The following VPS37B variants were observed in gnomAD, a reference collection of about 807,000 sequenced individuals.
VPS37B encodes the protein VPS37B subunit of ESCRT-I.
VPS37B carries 11 observed loss-of-function variants against 21.2 expected under a neutral mutation model. The observed-to-expected ratio is 0.52, with a 90% CI of 0.33 to 0.86. The LOEUF (loss-of-function observed/expected upper bound fraction) is 0.86. Among genes scored for constraint, VPS37B ranks in the 40% least tolerant of loss-of-function variants. The probability of loss-of-function intolerance (pLI) is 0.03; values close to 1 mark genes in which losing one functional copy is unlikely to be tolerated. For missense variants in VPS37B, 389 were observed against 374.8 expected (o/e 1.04, Z -0.31); for synonymous variants, 175 against 159.6 (o/e 1.10, Z -0.73).
At chr12:122,887,063 G>C (rs757443504) in intron 1 of VPS37B, 2 of 152,148 alleles carry the variant, frequency 1.3e-5, no homozygotes, top group Non-Finnish European at 2.9e-5. Context: ...GCCACTGGCA[G>C]ATAAACCACA....
Position 122,867,096 on chromosome 12 carries a change from G to C in VPS37B, c.*20C>G, listed in dbSNP as rs199569762. 5 of 1,505,202 alleles carry C rather than the reference G, an allele frequency of 3.3e-6. No homozygotes were observed. Among genetic ancestry groups the C allele is most frequent in the East Asian group, 2.3e-5 (1 of 43,486 alleles). 93.2% of individuals were successfully genotyped at this position (1,505,202 alleles called of 1,614,324 possible). A position where few individuals can be genotyped will look rare whatever the true frequency, so the allele number is the denominator to read the frequency against. On this transcript the variant is annotated 3_prime_UTR_variant, in exon 4 of 4. Coordinates refer to ENST00000267202, the MANE Select transcript of VPS37B (RefSeq NM_024667.3). This position sits in a 1 kb window ranked among gnomAD's most constrained non-coding sequence, Gnocchi z 5.5. Reference sequence around the variant, plus strand: ...ACACGCCAGGTGGAAGAAGTCTCCCGGGAAGGACCGCGCCGGCGCTCACTG... The same window carrying C: ...ACACGCCAGGTGGAAGAAGTCTCCCCGGAAGGACCGCGCCGGCGCTCACTG...
intron 1 of VPS37B, chr12:122,876,722 A>G (rs1369072642): frequency 6.6e-6 from 1 of 151,572 alleles, no homozygotes; most frequent in Non-Finnish European, 1.5e-5. Flanking sequence ...AGAAAGAGAA[A>G]AAAAAAAAAC....
chr12:122,883,034 A>T (rs991370753), intron 1 of VPS37B: 5 of 152,246 alleles, frequency 3.3e-5, no homozygotes, highest in African/African-American at 1.2e-4. Flanking sequence ...GAACATTATG[A>T]AACAGTCCTA....
chr12:122,886,080 G>T (rs917555715), intron 1 of VPS37B: 1 of 152,138 alleles, frequency 6.6e-6, no homozygotes, highest in Non-Finnish European at 1.5e-5. Flanking sequence ...TGAAACTAAG[G>T]TAGCTTTCCT....
In VPS37B at chr12:122,865,488, C is replaced by T. The variant is rs1158579300; in HGVS notation, c.*1628G>A. 2.0e-5 allele frequency: 3 copies of T among 152,284 alleles called. No individual in the cohort carries two copies. Among genetic ancestry groups the T allele is most frequent in the African/African-American group, 7.2e-5 (3 of 41,472 alleles). 9.4% of individuals were successfully genotyped at this position (152,284 alleles called of 1,614,324 possible). On this transcript the variant is annotated 3_prime_UTR_variant, in exon 4 of 4. Transcript: ENST00000267202. ...TGCGACCGTGGCAGGCTGTGGCATC[C>T]CCGACAGCGGCCGGTGGCGGAGGTA...
Position 122,867,846 on chromosome 12 carries a change from A to T in VPS37B, c.367-239T>A, listed in dbSNP as rs975260018. Among the ~76,000 whole-genome samples, 3 of 152,204 alleles carry T rather than the reference A, an allele frequency of 2.0e-5. No individual in the cohort carries two copies. The highest frequency in any genetic ancestry group is 6.5e-5 in the Admixed American group (1 of 15,292). Reference sequence around the variant, plus strand: ...CTGCGCACCCCACCACCAGCGTGACAGGCAGAGGAGCTGGCCTTTGGGTGA... The same window carrying T: ...CTGCGCACCCCACCACCAGCGTGACTGGCAGAGGAGCTGGCCTTTGGGTGA... On this transcript the variant is annotated intron_variant, in intron 3 of 3. Coordinates refer to ENST00000267202, the MANE Select transcript of VPS37B (RefSeq NM_024667.3). The surrounding 1 kb of genome is among the most constrained non-coding windows in gnomAD (Gnocchi z 5.5).
chr12:122,895,240 G>A (rs1479568449), intron 1 of VPS37B, among the ~76,000 whole-genome samples: 2 of 151,862 alleles, frequency 1.3e-5, no homozygotes, highest in African/African-American at 2.4e-5. Context: ...CCACCTCATA[G>A]ACTCAGCTAC....
chr12:122,877,701 C>T (rs957882806), intron 1 of VPS37B: 3 of 152,388 alleles, frequency 2.0e-5, no homozygotes. Flanking sequence ...AGCAACGGAA[C>T]CTTTTCTAAA....
intron 1 of VPS37B, chr12:122,871,627 C>T (rs946415662): frequency 2.0e-6 from 2 of 985,332 alleles, no homozygotes; most frequent in Non-Finnish European, 1.2e-6. Context: ...CTGAGCCTTC[C>T]AGCTCCTAGC....
chr12:122,880,428 T>C (rs1234771844), intron 1 of VPS37B: 4 of 152,144 alleles, frequency 2.6e-5, no homozygotes, highest in Non-Finnish European at 5.9e-5. Flanking sequence ...CAAGCTGGCT[T>C]TGTGCGACGC....
chr12:122,867,197 G>C lies in VPS37B; in HGVS notation c.777C>G (p.Phe259Leu), dbSNP rs374081924. The C allele has an allele frequency of 1.3e-6, 2 of 1,571,446 alleles. No homozygotes were observed. Among genetic ancestry groups the C allele is most frequent in the Non-Finnish European group, 1.7e-6 (2 of 1,162,274 alleles). ...LPTQQGFSSQ[F>L]VSPYPPPLPQ... Reference sequence around the variant, plus strand: ...GGAGAGGTGGCGGATATGGGGACACGAACTGCGAAGAGAATCCTTGCTGAG... The same window carrying C: ...GGAGAGGTGGCGGATATGGGGACACCAACTGCGAAGAGAATCCTTGCTGAG... The change falls in exon 4 of 4, where the codon TTC becomes TTG. Residue 259 changes from phenylalanine to leucine, a missense_variant. Transcript: ENST00000267202. The surrounding 1 kb of genome is among the most constrained non-coding windows in gnomAD (Gnocchi z 5.5).
chr12:122,878,283 C>G (rs551868358), intron 1 of VPS37B: 1 of 148,956 alleles, frequency 6.7e-6, no homozygotes, highest in African/African-American at 2.5e-5. Context: ...CGCTTGAACC[C>G]GGGAGGCAGA....
intron 1 of VPS37B, chr12:122,889,273 G>A (rs1385998552): frequency 1.3e-5 from 2 of 152,380 alleles, no homozygotes. Flanking sequence ...CAGCAGGAGA[G>A]GGGAAGTGAG....
In VPS37B at chr12:122,885,767, T is replaced by C. The variant is rs1419019904; in HGVS notation, c.111+10185A>G. On this transcript the variant is annotated intron_variant, in intron 1 of 3. Transcript: ENST00000267202. ...GGCGCGATCTCGGCTCACTGCAAGC[T>C]CCGCCTCCCGGGTTCACGCCATTCT... 25 of 133,392 alleles carry C rather than the reference T, an allele frequency of 1.9e-4. No individual in the cohort carries two copies. The East Asian group carries it at 5.9e-3, about 32-fold the overall frequency. The allele number at this position is 133,392 out of a possible 1,614,324, so 8.3% of individuals were successfully genotyped here.
chr12:122,872,734 C>G (rs1452539734), intron 1 of VPS37B: 1 of 974,964 alleles, frequency 1.0e-6, no homozygotes, highest in African/African-American at 1.8e-5. Context: ...TTTAATAAAG[C>G]TGAATACGTA....
In VPS37B at chr12:122,867,535, T is replaced by G. The variant is rs754757199; in HGVS notation, c.439A>C (p.Lys147Gln). 5 of 1,613,940 alleles carry G rather than the reference T, an allele frequency of 3.1e-6. No homozygotes were observed. The highest frequency in any genetic ancestry group is 3.3e-4 in the Middle Eastern group (2 of 6,084). Residue 147 changes from lysine (K) to glutamine (Q), a missense_variant, in exon 4 of 4, where the codon AAA becomes CAA. Coordinates refer to ENST00000267202, the MANE Select transcript of VPS37B (RefSeq NM_024667.3). This position sits in a 1 kb window ranked among gnomAD's most constrained non-coding sequence, Gnocchi z 5.5. ...SFIDVYQSKR[K>Q]LAHMRRVKIE... is the part of the protein sequence containing the mutation. ...TTCACCCGTCGCATGTGGGCCAGTT[T>G]CCGTTTGCTCTGATAGACATCAATG...
At chr12:122,891,902 T>G (rs1035722683) in intron 1 of VPS37B, among the ~76,000 whole-genome samples, 1 of 152,258 alleles carries the variant, frequency 6.6e-6, no homozygotes, top group African/African-American at 2.4e-5. Context: ...CATTTTTGCA[T>G]GCGGGCATGG....
Position 122,866,437 on chromosome 12 carries a change from T to C in VPS37B, c.*679A>G, listed in dbSNP as rs1184176693. The stretch of plus-strand genomic sequence containing the variant: ...TCCAGGCAGGCGGGAGAGGAGGAGC[T>C]GGGGACACAATTTGCTGTGCAAAGT... On this transcript the variant is annotated 3_prime_UTR_variant, in exon 4 of 4. Transcript: ENST00000267202. The C allele has an allele frequency of 6.6e-6, 1 of 152,454 alleles. No individual in the cohort carries two copies. The highest frequency in any genetic ancestry group is 6.5e-5 in the Admixed American group (1 of 15,286). 9.4% of individuals were successfully genotyped at this position (152,454 alleles called of 1,614,324 possible). A position where few individuals can be genotyped will look rare whatever the true frequency, so the allele number is the denominator to read the frequency against.
intron 1 of VPS37B, chr12:122,872,870 C>G (rs76551298): frequency 4.4e-6 from 1 of 228,626 alleles, no homozygotes; most frequent in African/African-American, 2.3e-5. Context: ...AAAATCTGGA[C>G]GCAGCCCAGG....
Sources: allele counts gnomAD v4.1 joint callset (sites outside exome capture counted in the v4.1 genomes callset), GRCh38; gene constraint gnomAD v4.1.1; non-coding constraint Gnocchi (gnomAD v3.1); transcripts MANE v1.5; gene names NCBI Gene and HGNC (gene_info 2026-07-23, HGNC 2026-07-21).